The following CCDC150 variants were observed in gnomAD, a reference collection of about 807,000 sequenced individuals.
The protein encoded by CCDC150 is coiled-coil domain containing 150.
In CCDC150, 151 loss-of-function variants were observed where a neutral mutation model predicts 156.5. The observed-to-expected ratio is 0.97, with a 90% CI of 0.85 to 1.10. The LOEUF (loss-of-function observed/expected upper bound fraction) is 1.10. Ranked by LOEUF, CCDC150 falls within the 50% of genes least tolerant of loss-of-function variation. CCDC150 has a pLI of 0.00. For synonymous variants in CCDC150, 452 were observed against 429.4 expected (o/e 1.05, Z -0.65); for missense variants, 1,312 against 1,268.1 (o/e 1.03, Z -0.53).
rs1429629017 is a variant in CCDC150, at chr2:196,676,652, C to T, written c.1361C>T (p.Ala454Val). Residue 454 changes from alanine (A) to valine (V), a missense_variant, in exon 12 of 28, where the codon GCA becomes GTA. Transcript: ENST00000389175. Reference protein sequence around the residue: ...VQKELLESTIARLRGELEASM... With the variant: ...VQKELLESTIVRLRGELEASM... ...AAAGAGCTGCTAGAATCAACTATTG[C>T]AAGATTGCGAGGTGAATTGGAAGCA... 6.2e-7 allele frequency: 1 copy of T among 1,613,726 alleles called. No homozygotes were observed. Among genetic ancestry groups the T allele is most frequent in the Non-Finnish European group, 8.5e-7 (1 of 1,179,710 alleles).
chr2:196,677,377 C>T lies in CCDC150; in HGVS notation c.1509+16C>T, dbSNP rs760693128. 6 of 1,455,570 alleles carry T rather than the reference C, an allele frequency of 4.1e-6. No homozygotes were observed. Among genetic ancestry groups the T allele is most frequent in the Non-Finnish European group, 5.7e-6 (6 of 1,058,128 alleles). 90.2% of individuals were successfully genotyped at this position (1,455,570 alleles called of 1,614,324 possible). A position where few individuals can be genotyped will look rare whatever the true frequency, so the allele number is the denominator to read the frequency against. ...TAAAAACAAGGTATTCTTCATTTTA[C>T]TTACTGATATTTCACTATATTTCCT... On this transcript the variant is annotated intron_variant, in intron 13 of 27. Coordinates refer to ENST00000389175, the MANE Select transcript of CCDC150 (RefSeq NM_001080539.2).
At chr2:196,676,037 CTTG>C (rs1223686213) in intron 10 of CCDC150, 103 bp from the exon 11 acceptor site, 1 of 1,037,078 alleles carries the variant, frequency 9.6e-7, no homozygotes, top group Non-Finnish European at 1.4e-6. Flanking sequence ...GTAAATGAAA[CTTG>C]TTTTTTTAAG....
chr2:196,685,756 C>T (rs1304333206), intron 13 of CCDC150, among the ~76,000 whole-genome samples: 11 of 151,932 alleles, frequency 7.2e-5, no homozygotes, highest in African/African-American at 1.5e-4. Flanking sequence ...GGACTACAGG[C>T]GCCTACCACC....
chr2:196,726,017 C>T lies in CCDC150; in HGVS notation c.2474C>T (p.Ala825Val). The T allele has an allele frequency of 6.2e-7, 1 of 1,607,200 alleles. No homozygotes were observed. Among genetic ancestry groups the T allele is most frequent in the South Asian group, 1.1e-5 (1 of 89,400 alleles). The change falls in exon 22 of 28, where the codon GCT becomes GTT. Residue 825 changes from alanine (A) to valine (V), a missense_variant. Coordinates refer to ENST00000389175, the MANE Select transcript of CCDC150 (RefSeq NM_001080539.2). The part of the protein sequence containing the change: ...EESKVEAELH[A>V]ERIEALRKQF... ...TCCAAAGTGGAAGCAGAATTGCATG[C>T]TGAACGCATAGAAGCTCTAAGAAAG...
chr2:196,674,303 T>C lies in CCDC150; in HGVS notation c.1092T>C (p.Thr364=). 6.2e-7 allele frequency: 1 copy of C among 1,604,440 alleles called. No individual in the cohort carries two copies. Among genetic ancestry groups the C allele is most frequent in the Non-Finnish European group, 8.5e-7 (1 of 1,175,154 alleles). The change falls in exon 10 of 28, where the codon ACT becomes ACC. Residue 364 remains threonine (T), a synonymous_variant. Transcript: ENST00000389175. ...TGAGCTGCATGCTTCAGACTGTTAC[T>C]ATGGAAAAAGCCAGAATCATTGCTG... ...SELSCMLQTV[T]MEKARIIADH...
At position 196,721,551 on chromosome 2, in the gene CCDC150, A is replaced by C. The variant is rs1697912810; in HGVS notation, c.2289A>C (p.Val763=). The C allele has an allele frequency of 6.2e-7, 1 of 1,607,516 alleles. No homozygotes were observed. The highest frequency in any genetic ancestry group is 8.5e-7 in the Non-Finnish European group (1 of 1,177,354). ...EIESLQKALG[V]AREDNRKLAM... ...AATCTCTACAAAAAGCTCTAGGTGT[A>C]GCTAGAGAAGACAACAGGAAACTTG... The change falls in exon 21 of 28, where the codon GTA becomes GTC. Residue 763 remains valine, a synonymous_variant. Transcript: ENST00000389175.
chr2:196,710,680 G>A (rs1053174413), intron 15 of CCDC150, among the ~76,000 whole-genome samples: 1 of 152,152 alleles, frequency 6.6e-6, no homozygotes, highest in Non-Finnish European at 1.5e-5. Context: ...ATATTAAATA[G>A]GTACATTAGA....
In CCDC150 at chr2:196,726,005, C is replaced by G. The variant is rs766366790; in HGVS notation, c.2462C>G (p.Ala821Gly). Residue 821 changes from alanine to glycine, a missense_variant, in exon 22 of 28, where the codon GCA becomes GGA. By Grantham distance (60) the Ala-to-Gly change is moderately conservative (BLOSUM62 0). Coordinates refer to ENST00000389175, the MANE Select transcript of CCDC150 (RefSeq NM_001080539.2). Reference sequence around the variant, plus strand: ...ATGACTGAAGAGTCCAAAGTGGAAGCAGAATTGCATGCTGAACGCATAGAA... The same window carrying G: ...ATGACTGAAGAGTCCAAAGTGGAAGGAGAATTGCATGCTGAACGCATAGAA... ...DRMTEESKVEAELHAERIEAL... is the reference protein window; with the variant it reads ...DRMTEESKVEGELHAERIEAL... 6.2e-7 allele frequency: 1 copy of G among 1,604,006 alleles called. No homozygotes were observed. The highest frequency in any genetic ancestry group is 1.1e-5 in the South Asian group (1 of 88,930).
At chr2:196,641,132 T>TC (rs1692201328) in intron 1 of CCDC150, among the ~76,000 whole-genome samples, 2 of 133,266 alleles carry the variant, frequency 1.5e-5, no homozygotes, top group South Asian at 2.8e-4. Context: ...CCGGCTAATT[T>TC]TTTTTTTATT....
At chr2:196,668,996 T>C (rs552351899) in intron 7 of CCDC150, among the ~76,000 whole-genome samples, 1 of 152,238 alleles carries the variant, frequency 6.6e-6, no homozygotes, top group Non-Finnish European at 1.5e-5. Context: ...AAGACTGATA[T>C]GAATTTTTCT....
intron 14 of CCDC150, among the ~76,000 whole-genome samples, chr2:196,695,771 A>G (rs949466314): frequency 2.0e-5 from 3 of 151,140 alleles, no homozygotes; most frequent in Non-Finnish European, 4.4e-5. Flanking sequence ...AGATCAGGCC[A>G]CTGCACTCCA....
intron 14 of CCDC150, among the ~76,000 whole-genome samples, chr2:196,698,170 GGCCTAT>G (rs1392325417): frequency 6.6e-6 from 1 of 151,964 alleles, no homozygotes; most frequent in Non-Finnish European, 1.5e-5. Context: ...GAAAGTACAG[GGCCTAT>G]TTAAATCTGT....
intron 15 of CCDC150, among the ~76,000 whole-genome samples, chr2:196,708,299 G>A (rs1696829952): frequency 2.0e-5 from 3 of 152,168 alleles, no homozygotes. Flanking sequence ...TTGGCTTAAA[G>A]TCTGTTTTAT....
Position 196,726,055 on chromosome 2 carries a change from G to T in CCDC150, c.2512G>T (p.Glu838Ter). ...AGCTCTAAGAAAGCAGTTTCAAACC[G>T]AGAGAGAAACTACAAAGAAAGTGGC... is the stretch of plus-strand genomic sequence containing the variant. ...IEALRKQFQT[E>*]RETTKKVAQR... is the part of the protein sequence containing the mutation. Residue 838 changes from glutamate (E) to a stop codon, truncating the protein, a stop_gained, in exon 22 of 28, where the codon GAG becomes TAG. Coordinates refer to ENST00000389175, the MANE Select transcript of CCDC150 (RefSeq NM_001080539.2). LOFTEE classifies it high-confidence loss of function. 1.9e-6 allele frequency: 3 copies of T among 1,612,666 alleles called. No homozygotes were observed. The highest frequency in any genetic ancestry group is 2.2e-5 in the South Asian group (2 of 90,594).
chr2:196,655,540 A>G (rs1693139036), intron 2 of CCDC150, among the ~76,000 whole-genome samples: 2 of 152,164 alleles, frequency 1.3e-5, no homozygotes, highest in Non-Finnish European at 2.9e-5. Flanking sequence ...GATGCAAGTT[A>G]GTTAGAAGCC....
intron 13 of CCDC150, among the ~76,000 whole-genome samples, chr2:196,678,962 C>G (rs945615220): frequency 6.6e-6 from 1 of 152,158 alleles, no homozygotes; most frequent in Non-Finnish European, 1.5e-5. Context: ...GAGATAAAAA[C>G]ATAGCATTAT....
chr2:196,669,764 G>C, intron 7 of CCDC150, 69 bp from the exon 8 acceptor site: 1 of 1,031,234 alleles, frequency 9.7e-7, no homozygotes, highest in South Asian at 1.3e-5. Flanking sequence ...AATATTTAAA[G>C]CTTCTCACTA....
chr2:196,675,988 G>A (rs745329596), intron 10 of CCDC150, among the ~76,000 whole-genome samples, 155 bp from the exon 11 acceptor site: 3 of 152,064 alleles, frequency 2.0e-5, no homozygotes, highest in Non-Finnish European at 4.4e-5. Flanking sequence ...GAGAAACTGG[G>A]CATTGAAATA....
intron 13 of CCDC150, among the ~76,000 whole-genome samples, chr2:196,692,081 T>C (rs1478862343): frequency 6.6e-6 from 1 of 152,002 alleles, no homozygotes; most frequent in African/African-American, 2.4e-5. Context: ...TGTTCTCTAG[T>C]TCCTTTAGTT....
Sources: allele counts gnomAD v4.1 joint callset (sites outside exome capture counted in the v4.1 genomes callset), GRCh38; gene constraint gnomAD v4.1.1; transcripts MANE v1.5; gene names NCBI Gene and HGNC (gene_info 2026-07-23, HGNC 2026-07-21).